Variants in FGD5 observed in about 807,000 individuals in gnomAD.
FGD5 encodes the protein FYVE, RhoGEF and PH domain containing 5.
A neutral mutation model predicts 133.4 loss-of-function variants in FGD5; 28 were observed. The observed-to-expected ratio is 0.21, with a 90% CI of 0.16 to 0.29. The LOEUF is 0.29. FGD5 is among the 10% of genes least tolerant of loss of function. FGD5 has a pLI of 1.00. For synonymous variants in FGD5, 810 were observed against 776.5 expected (o/e 1.04, Z -0.72); for missense variants, 1,858 against 1,895.2 (o/e 0.98, Z 0.36).
intron 1 of FGD5, among the ~76,000 whole-genome samples, chr3:14,827,813 G>A (rs9844643): frequency 0.052 from 7,846 of 152,194 alleles, 217 homozygotes; most frequent in African/African-American, 0.061. Flanking sequence ...GGAGCATGCC[G>A]TCTGTTTGGA....
chr3:14,913,166 A>C (rs6808431), intron 11 of FGD5, among the ~76,000 whole-genome samples: 111,772 of 152,108 alleles, frequency 0.73, 41,253 homozygotes, highest in African/African-American at 0.77. Flanking sequence ...CAACTCACAG[A>C]CATGTGCGAG....
chr3:14,821,417 G>C lies in FGD5; in HGVS notation c.2346G>C (p.Ser782=), dbSNP rs774689600. The change falls in exon 1 of 20, where the codon TCG becomes TCC. Residue 782 remains serine (S), a synonymous_variant. Coordinates refer to ENST00000285046, the MANE Select transcript of FGD5 (RefSeq NM_152536.4). ...SDYENIPAMN[S]DYENIQIPPR... is the part of the protein sequence containing the mutation. The stretch of plus-strand genomic sequence containing the variant: ...ATGAGAACATTCCAGCCATGAACTC[G>C]GACTATGAGAATATCCAGATTCCAC... 1.9e-6 allele frequency: 3 copies of C among 1,613,822 alleles called. No homozygotes were observed. The highest frequency in any genetic ancestry group is 2.5e-6 in the Non-Finnish European group (3 of 1,179,882).
At position 14,826,941 on chromosome 3, in the gene FGD5, CTGAG is replaced by C. The variant is rs1307318824; in HGVS notation, c.2525+5346_2525+5349del. Among the ~76,000 whole-genome samples, 600 of 152,314 alleles carry C rather than the reference CTGAG, an allele frequency of 3.9e-3. 5 individuals are homozygous for C. Among genetic ancestry groups the C allele is most frequent in the African/African-American group, 0.014 (583 of 41,564 alleles). On this transcript the variant is annotated intron_variant, in intron 1 of 19. Transcript: ENST00000285046. ...ATGGGTTCAGGGCTGCAGGCAACAT[CTGAG>C]CAATATTGATTTGGAGTCATTAGCT...
intron 1 of FGD5, among the ~76,000 whole-genome samples, chr3:14,837,366 C>G (rs1316276721): frequency 2.0e-5 from 3 of 152,312 alleles, no homozygotes; most frequent in African/African-American, 4.8e-5. Flanking sequence ...GTTCACGGAG[C>G]AGTCATTCAT....
chr3:14,897,857 G>A (rs2117774), intron 5 of FGD5, 82 bp from the exon 6 acceptor site: 1,118,752 of 1,556,824 alleles, frequency 0.72, 404,316 homozygotes, highest in African/African-American at 0.83. Context: ...ACCCAGGGAT[G>A]TGACTCCAGG....
chr3:14,909,761 CTTTTT>C (rs201883392), intron 10 of FGD5, among the ~76,000 whole-genome samples: 2 of 137,498 alleles, frequency 1.5e-5, no homozygotes, highest in Non-Finnish European at 3.1e-5. Context: ...CTTTTCTTTT[CTTTTT>C]TTTTTTTTTT....
chr3:14,834,689 G>A (rs984792886), intron 1 of FGD5, among the ~76,000 whole-genome samples: 1 of 152,200 alleles, frequency 6.6e-6, no homozygotes, highest in Non-Finnish European at 1.5e-5. Context: ...AGAACCCTGT[G>A]CCACACACAG....
At chr3:14,817,109 A>C (rs946848036), upstream of FGD5, among the ~76,000 whole-genome samples, 5 of 152,202 alleles carry the variant, frequency 3.3e-5, no homozygotes, top group African/African-American at 1.2e-4. Context: ...AGTGTCAAAC[A>C]CCTCATTAAT....
chr3:14,932,907 T>C (rs552841474), intron 19 of FGD5, among the ~76,000 whole-genome samples, 176 bp downstream of exon 19: 2 of 152,362 alleles, frequency 1.3e-5, no homozygotes, highest in African/African-American at 4.8e-5. Flanking sequence ...TAGACTGTTT[T>C]GATTCATTCA....
intron 1 of FGD5, among the ~76,000 whole-genome samples, chr3:14,863,298 G>T (rs2037435483): frequency 6.6e-6 from 1 of 152,238 alleles, no homozygotes; most frequent in Non-Finnish European, 1.5e-5. Context: ...GAAGGGCACA[G>T]TCTTTTGTGG....
At chr3:14,816,083 A>G (rs2036363702), upstream of FGD5, among the ~76,000 whole-genome samples, 1 of 152,228 alleles carries the variant, frequency 6.6e-6, no homozygotes, top group Admixed American at 6.5e-5. Flanking sequence ...TTGCAGGATC[A>G]TGCCTCAGAC....
chr3:14,822,024 C>T (rs917380909), intron 1 of FGD5, among the ~76,000 whole-genome samples: 10 of 151,800 alleles, frequency 6.6e-5, no homozygotes, highest in South Asian at 4.2e-4. Context: ...TGCTTGAACT[C>T]GGGAGGCGGA....
intron 13 of FGD5, among the ~76,000 whole-genome samples, chr3:14,919,293 G>C (rs947584257): frequency 6.6e-6 from 1 of 152,192 alleles, no homozygotes; most frequent in African/African-American, 2.4e-5. Flanking sequence ...TGCCCTGTCT[G>C]TGTGGTGTCT....
At position 14,897,623 on chromosome 3, in the gene FGD5, C is replaced by T; in HGVS notation, c.2863C>T (p.Leu955Phe). 6.2e-7 allele frequency: 1 copy of T among 1,607,072 alleles called. No individual in the cohort carries two copies. The highest frequency in any genetic ancestry group is 8.5e-7 in the Non-Finnish European group (1 of 1,176,792). ...GAGTGAACTCCCAGCCATCCACGAC[C>T]TTCATCAAGGCATCCTGGAGGAGCT... ...GLSELPAIHD[L>F]HQGILEELEE... The change falls in exon 5 of 20, where the codon CTT becomes TTT. Residue 955 changes from leucine to phenylalanine, a missense_variant. Transcript: ENST00000285046.
chr3:14,876,137 G>T (rs1010941478), intron 2 of FGD5, among the ~76,000 whole-genome samples: 1 of 152,206 alleles, frequency 6.6e-6, no homozygotes, highest in African/African-American at 2.4e-5. Flanking sequence ...GGGAAGGATT[G>T]TGTGGACCCT....
intron 1 of FGD5, among the ~76,000 whole-genome samples, chr3:14,859,564 A>C (rs1320193313): frequency 6.9e-6 from 1 of 144,016 alleles, no homozygotes; most frequent in East Asian, 2.3e-4. Context: ...CCCCCCAAAA[A>C]AAAATAATAA....
intron 11 of FGD5, among the ~76,000 whole-genome samples, chr3:14,913,476 C>T (rs2038491605): frequency 6.6e-6 from 1 of 152,064 alleles, no homozygotes; most frequent in Non-Finnish European, 1.5e-5. Context: ...GCAGACAGAC[C>T]AGATGCAGAC....
At chr3:14,828,299 C>T (rs1306617986) in intron 1 of FGD5, among the ~76,000 whole-genome samples, 1 of 152,094 alleles carries the variant, frequency 6.6e-6, no homozygotes, top group Non-Finnish European at 1.5e-5. Context: ...GACAAAGTGG[C>T]ACTTGAGTAG....
In FGD5 at chr3:14,922,960, G is replaced by A; in HGVS notation, c.3808-86G>A. 6.3e-7 allele frequency: 1 copy of A among 1,582,682 alleles called. No homozygotes were observed. The highest frequency in any genetic ancestry group is 8.6e-7 in the Non-Finnish European group (1 of 1,157,946). On this transcript the variant is annotated intron_variant, in intron 15 of 19. Coordinates refer to ENST00000285046, the MANE Select transcript of FGD5 (RefSeq NM_152536.4). The surrounding 1 kb of genome is among the most constrained non-coding windows in gnomAD (Gnocchi z 4.1). ...GGCTCCCTAGGGGCAGTTGTGGGTGGATTAGCAGAGGGAGCGGAGGGGAGG... is the reference window on the plus strand; with the variant it reads ...GGCTCCCTAGGGGCAGTTGTGGGTGAATTAGCAGAGGGAGCGGAGGGGAGG...
Sources: gnomAD v4.1 joint callset for allele counts (sites outside exome capture counted in the v4.1 genomes callset) on GRCh38, gnomAD v4.1.1 for gene constraint, Gnocchi (gnomAD v3.1) non-coding constraint, MANE v1.5 for transcripts, NCBI Gene and HGNC (gene_info 2026-07-23, HGNC 2026-07-21) for gene names.